RASSF8: variants seen among roughly 807,000 people sequenced by gnomAD.
The protein encoded by RASSF8 is Ras association domain family member 8.
RASSF8 carries 22 observed loss-of-function variants against 48.5 expected under a neutral mutation model. The ratio of observed to expected loss-of-function variants is 0.45; its 90% CI spans 0.32 to 0.65. RASSF8 has a LOEUF of 0.65. Ranked by LOEUF, RASSF8 falls within the 30% of genes least tolerant of loss-of-function variation. The pLI is 0.03. For missense variants in RASSF8, 418 were observed against 489.2 expected (o/e 0.85, Z 1.37); for synonymous variants, 127 against 171.5 (o/e 0.74, Z 2.03).
intron 2 of RASSF8, among the ~76,000 whole-genome samples, chr12:26,032,461 T>C (rs1943049241): frequency 6.6e-6 from 1 of 152,204 alleles, no homozygotes; most frequent in South Asian, 2.1e-4. Context: ...TCTAGGACTC[T>C]TGGGACTGTT....
rs115839698 is a variant in RASSF8 at position 25,996,437 on chromosome 12, A to G, written c.-109+1307A>G. Among the ~76,000 whole-genome samples, 721 of 152,314 alleles carry G rather than the reference A, an allele frequency of 4.7e-3. 4 individuals are homozygous for G. Among genetic ancestry groups the G allele is most frequent in the African/African-American group, 0.016 (685 of 41,580 alleles). ...ATTAAGGAGGATCTATGTGTAAGTT[A>G]TACCAAGAGGAACTGTGGTTGAGGC... On this transcript the variant is annotated intron_variant, in intron 2 of 5. Coordinates refer to ENST00000689635, the MANE Select transcript of RASSF8 (RefSeq NM_001394098.1).
chr12:25,975,666 A>C (rs939236747), intron 1 of RASSF8, among the ~76,000 whole-genome samples: 12 of 152,274 alleles, frequency 7.9e-5, no homozygotes, highest in African/African-American at 2.9e-4. Context: ...AATCTAGCAA[A>C]GCAAAAGTTG....
At chr12:26,038,645 A>G (rs2137145405) in intron 2 of RASSF8, among the ~76,000 whole-genome samples, 2 of 144,702 alleles carry the variant, frequency 1.4e-5, no homozygotes, top group Middle Eastern at 7.7e-3. Flanking sequence ...ACACACACAC[A>G]CACACACACA....
intron 2 of RASSF8, among the ~76,000 whole-genome samples, chr12:26,032,740 A>C (rs1454082060): frequency 2.0e-5 from 3 of 152,218 alleles, no homozygotes; most frequent in African/African-American, 4.8e-5. Flanking sequence ...ATAATCATTT[A>C]AAGCAGGAAT....
intron 1 of RASSF8, among the ~76,000 whole-genome samples, chr12:25,976,563 G>C (rs1408470172): frequency 2.6e-5 from 4 of 152,228 alleles, no homozygotes; most frequent in Non-Finnish European, 5.9e-5. Context: ...AGATGAGCCT[G>C]AAGTGGCCAA....
chr12:26,024,817 C>A (rs1249114199), intron 2 of RASSF8, among the ~76,000 whole-genome samples: 1 of 151,940 alleles, frequency 6.6e-6, no homozygotes, highest in Non-Finnish European at 1.5e-5. Flanking sequence ...ATTAGCCGGG[C>A]GTGGTGGCGG....
intron 3 of RASSF8, among the ~76,000 whole-genome samples, chr12:26,062,240 A>T (rs11836838): frequency 0.033 from 5,078 of 152,314 alleles, 99 homozygotes; most frequent in East Asian, 0.055. Context: ...CACATGGGAC[A>T]GTTTTAACAT....
At chr12:26,051,571 CAA>C (rs1397961774) in intron 2 of RASSF8, among the ~76,000 whole-genome samples, 2 of 151,930 alleles carry the variant, frequency 1.3e-5, no homozygotes, top group African/African-American at 2.4e-5. Context: ...AAAATTTACC[CAA>C]ATCGTTAATT....
At position 26,072,424 on chromosome 12, in the gene RASSF8, T is replaced by G; in HGVS notation, c.*3606T>G. On this transcript the variant is annotated 3_prime_UTR_variant, in exon 6 of 6. Transcript: ENST00000689635. Reference sequence around the variant, plus strand: ...TGAAAGCTGCAGGAGCTCTTTTCAATGCATTTTATATATTTTTAGAAACCA... The same window carrying G: ...TGAAAGCTGCAGGAGCTCTTTTCAAGGCATTTTATATATTTTTAGAAACCA... 1 of 977,642 alleles carries G rather than the reference T, an allele frequency of 1.0e-6. No homozygotes were observed. Among genetic ancestry groups the G allele is most frequent in the South Asian group, 4.7e-5 (1 of 21,104 alleles). 60.6% of individuals were successfully genotyped at this position (977,642 alleles called of 1,614,324 possible).
chr12:25,981,362 T>C (rs888861226), intron 1 of RASSF8, among the ~76,000 whole-genome samples: 1 of 152,148 alleles, frequency 6.6e-6, no homozygotes, highest in African/African-American at 2.4e-5. Flanking sequence ...AGTCTCCATA[T>C]GGTAACCTTC....
chr12:26,046,251 T>G (rs376085512), intron 2 of RASSF8, among the ~76,000 whole-genome samples: 7 of 152,250 alleles, frequency 4.6e-5, no homozygotes, highest in African/African-American at 1.7e-4. Flanking sequence ...TTTACTTGAT[T>G]ACTTTCTCTC....
At chr12:26,002,480 T>C (rs1036162103) in intron 2 of RASSF8, among the ~76,000 whole-genome samples, 2 of 151,582 alleles carry the variant, frequency 1.3e-5, no homozygotes, top group Admixed American at 6.6e-5. Flanking sequence ...ACCTGTATTA[T>C]ATAAAAAATT....
intron 2 of RASSF8, among the ~76,000 whole-genome samples, chr12:26,043,301 A>C (rs1002879227): frequency 1.3e-5 from 2 of 152,228 alleles, no homozygotes; most frequent in Admixed American, 1.3e-4. Context: ...AGAGCAGCAT[A>C]TGCAGCTCAG....
chr12:25,986,004 A>G (rs1941864850), intron 1 of RASSF8, among the ~76,000 whole-genome samples: 1 of 152,256 alleles, frequency 6.6e-6, no homozygotes, highest in Non-Finnish European at 1.5e-5. Context: ...TACTTTGAAC[A>G]GTGGCTTGGC....
rs1463301637 is a variant in RASSF8, at chr12:26,070,188, T to C, written c.*1370T>C. On this transcript the variant is annotated 3_prime_UTR_variant, in exon 6 of 6. Transcript: ENST00000689635. ...TCTGAAGAAGTTACATCCTCTGTAT[T>C]ATTTACATGCAACAAAATAAAAGTG... 1.0e-6 allele frequency: 1 copy of C among 961,464 alleles called. No individual in the cohort carries two copies. Among genetic ancestry groups the C allele is most frequent in the East Asian group, 1.1e-4 (1 of 8,700 alleles). The allele number at this position is 961,464 out of a possible 1,614,324, so 59.6% of individuals were successfully genotyped here. A position where few individuals can be genotyped will look rare whatever the true frequency, so the allele number is the denominator to read the frequency against.
At chr12:26,016,556 G>C (rs1942654758) in intron 2 of RASSF8, among the ~76,000 whole-genome samples, 1 of 152,142 alleles carries the variant, frequency 6.6e-6, no homozygotes, top group Admixed American at 6.5e-5. Flanking sequence ...AAGAATCTGT[G>C]CGAAAGAGCT....
intron 2 of RASSF8, among the ~76,000 whole-genome samples, chr12:26,037,886 G>T (rs1770575581): frequency 6.6e-6 from 1 of 152,198 alleles, no homozygotes; most frequent in Admixed American, 6.5e-5. Context: ...TTGTGCCCTA[G>T]CCAGCTAGCC....
At chr12:26,045,856 A>C (rs1231861247) in intron 2 of RASSF8, among the ~76,000 whole-genome samples, 1 of 152,242 alleles carries the variant, frequency 6.6e-6, no homozygotes, top group Non-Finnish European at 1.5e-5. Context: ...AAGGAATTAG[A>C]TTCATTATAC....
intron 3 of RASSF8, among the ~76,000 whole-genome samples, chr12:26,057,697 C>T (rs554985761): frequency 1.4e-4 from 21 of 152,290 alleles, no homozygotes; most frequent in African/African-American, 5.1e-4. Flanking sequence ...CTTGAGGAAT[C>T]GCCACACTGT....
Sources: gnomAD v4.1 joint callset for allele counts (sites outside exome capture counted in the v4.1 genomes callset) on GRCh38, gnomAD v4.1.1 for gene constraint, MANE v1.5 for transcripts, NCBI Gene and HGNC (gene_info 2026-07-23, HGNC 2026-07-21) for gene names.